EME2: variants seen among roughly 807,000 people sequenced by gnomAD.
EME2 encodes the protein essential meiotic structure-specific endonuclease subunit 2, also known as structure-specific endonuclease subunit EME2.
EME2 carries 58 observed loss-of-function variants against 41.9 expected under a neutral mutation model. The ratio of observed to expected loss-of-function variants is 1.38; its 90% CI spans 1.12 to 1.72. The LOEUF (loss-of-function observed/expected upper bound fraction) is 1.72. Ranked by LOEUF, EME2 falls within the 40% of genes most tolerant of loss-of-function variation. The pLI is 0.00. For missense variants in EME2, 695 were observed against 541.9 expected (o/e 1.28, Z -2.81); for synonymous variants, 334 against 239.3 (o/e 1.40, Z -3.65).
At position 1,781,468 on chromosome 16, in the gene EME2, G is replaced by A. The variant is rs751106797; in HGVS notation, c.*5230G>A. ...ACGAAGTGCCAGGCCCTGCTGTTCC[G>A]GGGGCGTCTGGCCATGGTGGAAAGA... On this transcript the variant is annotated 3_prime_UTR_variant, in exon 8 of 8. Transcript: ENST00000568449. 4.3e-6 allele frequency: 7 copies of A among 1,612,450 alleles called. No homozygotes were observed. Among genetic ancestry groups the A allele is most frequent in the Admixed American group, 1.7e-5 (1 of 59,992 alleles).
Position 1,776,371 on chromosome 16 carries a change from A to AG in EME2, c.*137dup. The AG allele has an allele frequency of 3.0e-6, 2 of 663,492 alleles. No individual in the cohort carries two copies. The highest frequency in any genetic ancestry group is 3.2e-5 in the East Asian group (1 of 31,274). The allele number at this position is 663,492 out of a possible 1,614,324, so 41.1% of individuals were successfully genotyped here. A position where few individuals can be genotyped will look rare whatever the true frequency, so the allele number is the denominator to read the frequency against. On this transcript the variant is annotated 3_prime_UTR_variant, in exon 8 of 8. Coordinates refer to ENST00000568449, the MANE Select transcript of EME2 (RefSeq NM_001257370.2). ...TCTCTGGCTGAGCAGGTCTGACCTC[A>AG]GGGGAAGGGTGGGTGGTTGCAGGGG...
Position 1,775,073 on chromosome 16 carries a change from C to A in EME2, c.510C>A (p.Ile170=). The change falls in exon 4 of 8, where the codon ATC becomes ATA. Residue 170 remains isoleucine, a synonymous_variant. Transcript: ENST00000568449. ...GCCCAACCCACTGGGTGCCCTGGATCTCCCCCGAGACCACCGCCCGGCCCC... is the reference window on the plus strand; with the variant it reads ...GCCCAACCCACTGGGTGCCCTGGATATCCCCCGAGACCACCGCCCGGCCCC... ...ISGPTHWVPW[I]SPETTARPHL... is the part of the protein sequence containing the mutation. 6.2e-7 allele frequency: 1 copy of A among 1,610,536 alleles called. No individual in the cohort carries two copies.
chr16:1,778,550 C>A lies in EME2; in HGVS notation c.*2312C>A. On this transcript the variant is annotated 3_prime_UTR_variant, in exon 8 of 8. Transcript: ENST00000568449. ...CACAGAAGGACTCGCCGGTCACGGG[C>A]ACCGCACTGGGGATGGATGGCGGCA... 1 of 1,607,078 alleles carries A rather than the reference C, an allele frequency of 6.2e-7. No homozygotes were observed.
Position 1,772,908 on chromosome 16 carries a change from A to C in EME2, c.-320A>C. ...CAGGCGGCCCAGGCCGAAGAGCGGG[A>C]GGCGGCCGAGCAGCTGCAAGAGGCG... On this transcript the variant is annotated 5_prime_UTR_variant, in exon 1 of 8. Coordinates refer to ENST00000568449, the MANE Select transcript of EME2 (RefSeq NM_001257370.2). 1 of 1,449,652 alleles carries C rather than the reference A, an allele frequency of 6.9e-7. No homozygotes were observed. The highest frequency in any genetic ancestry group is 9.0e-7 in the Non-Finnish European group (1 of 1,108,052). 89.8% of individuals were successfully genotyped at this position (1,449,652 alleles called of 1,614,324 possible).
chr16:1,777,458 C>T lies in EME2; in HGVS notation c.*1220C>T. ...GGCTGCCACACCTGGAAGGGAGGGGCCCAGCCTGAACCCCAGGCAGGGAAG... is the reference window on the plus strand; with the variant it reads ...GGCTGCCACACCTGGAAGGGAGGGGTCCAGCCTGAACCCCAGGCAGGGAAG... On this transcript the variant is annotated 3_prime_UTR_variant, in exon 8 of 8. Coordinates refer to ENST00000568449, the MANE Select transcript of EME2 (RefSeq NM_001257370.2). The T allele has an allele frequency of 6.7e-7, 1 of 1,487,530 alleles. No homozygotes were observed. The allele number at this position is 1,487,530 out of a possible 1,614,324, so 92.1% of individuals were successfully genotyped here. A position where few individuals can be genotyped will look rare whatever the true frequency, so the allele number is the denominator to read the frequency against.
At position 1,776,406 on chromosome 16, in the gene EME2, G is replaced by A. The variant is rs2042713791; in HGVS notation, c.*168G>A. The A allele has an allele frequency of 8.4e-6, 5 of 593,694 alleles. No individual in the cohort carries two copies. Among genetic ancestry groups the A allele is most frequent in the East Asian group, 3.0e-5 (1 of 33,270 alleles). The allele number at this position is 593,694 out of a possible 1,614,324, so 36.8% of individuals were successfully genotyped here. On this transcript the variant is annotated 3_prime_UTR_variant, in exon 8 of 8. Transcript: ENST00000568449. ...TGGGTGGTTGCAGGGGAAGTTTTAG[G>A]TAGCTGGGAGAAGAGGGGCTTCTGG...
rs979045912 is a variant in EME2 at position 1,776,635 on chromosome 16, G to A, written c.*397G>A. The A allele has an allele frequency of 7.0e-6, 2 of 287,708 alleles. No homozygotes were observed. The highest frequency in any genetic ancestry group is 6.3e-5 in the South Asian group (1 of 15,834). The allele number at this position is 287,708 out of a possible 1,614,324, so 17.8% of individuals were successfully genotyped here. A position where few individuals can be genotyped will look rare whatever the true frequency, so the allele number is the denominator to read the frequency against. ...TAGGGGACTCCCAAGGATGTGGAGG[G>A]GCAGTGAGGCCTGGGAGAAGGCCCA... On this transcript the variant is annotated 3_prime_UTR_variant, in exon 8 of 8. Transcript: ENST00000568449.
At chr16:1,774,073 C>G (rs2042673297) in intron 2 of EME2, among the ~76,000 whole-genome samples, 187 bp from the exon 3 acceptor site, 3 of 152,224 alleles carry the variant, frequency 2.0e-5, no homozygotes, top group Non-Finnish European at 4.4e-5. Context: ...GGATTCCTGC[C>G]AGCCACAGAG....
At position 1,778,037 on chromosome 16, in the gene EME2, G is replaced by T; in HGVS notation, c.*1799G>T. 2 of 1,613,172 alleles carry T rather than the reference G, an allele frequency of 1.2e-6. No individual in the cohort carries two copies. The highest frequency in any genetic ancestry group is 2.7e-5 in the African/African-American group (2 of 75,026). On this transcript the variant is annotated 3_prime_UTR_variant, in exon 8 of 8. Coordinates refer to ENST00000568449, the MANE Select transcript of EME2 (RefSeq NM_001257370.2). ...TGTCCAGGTCCACATCCGACGTCCC[G>T]ATGCCCACCATCTAGGAACAGGGGC...
rs1375362544 is a variant in EME2 at position 1,779,588 on chromosome 16, C to G, written c.*3350C>G. 1.3e-5 allele frequency: 2 copies of G among 152,390 alleles called. No individual in the cohort carries two copies. Among genetic ancestry groups the G allele is most frequent in the African/African-American group, 2.4e-5 (1 of 41,454 alleles). 9.4% of individuals were successfully genotyped at this position (152,390 alleles called of 1,614,324 possible). A position where few individuals can be genotyped will look rare whatever the true frequency, so the allele number is the denominator to read the frequency against. On this transcript the variant is annotated 3_prime_UTR_variant, in exon 8 of 8. Transcript: ENST00000568449. ...ACAAGGCAGGCCCAGACAACTCTAC[C>G]CCACTGCCTAGAAGTGCGGGTCCCC...
chr16:1,780,818 G>C lies in EME2; in HGVS notation c.*4580G>C, dbSNP rs1159477027. 1.8e-5 allele frequency: 5 copies of C among 276,252 alleles called. No homozygotes were observed. Among genetic ancestry groups the C allele is most frequent in the Non-Finnish European group, 3.6e-5 (5 of 140,224 alleles). 17.1% of individuals were successfully genotyped at this position (276,252 alleles called of 1,614,324 possible). A position where few individuals can be genotyped will look rare whatever the true frequency, so the allele number is the denominator to read the frequency against. On this transcript the variant is annotated 3_prime_UTR_variant, in exon 8 of 8. Coordinates refer to ENST00000568449, the MANE Select transcript of EME2 (RefSeq NM_001257370.2). ...TGTGATCACGGCTCACTGCAGCCTT[G>C]ACCTCCCTGGCTCAAGCAATCCTCC...
chr16:1,775,921 C>T lies in EME2; in HGVS notation c.904C>T (p.Arg302Trp), dbSNP rs757582244. The T allele has an allele frequency of 5.3e-5, 86 of 1,612,018 alleles. No individual in the cohort carries two copies. The highest frequency in any genetic ancestry group is 6.6e-5 in the Non-Finnish European group (78 of 1,179,786). The change falls in exon 7 of 8, where the codon CGG becomes TGG. Residue 302 changes from arginine (R) to tryptophan (W), a missense_variant. Physicochemically the swap from Arg to Trp is moderately radical, Grantham distance 101. Coordinates refer to ENST00000568449, the MANE Select transcript of EME2 (RefSeq NM_001257370.2). Reference protein sequence around the residue: ...AWRRQIRQFSRVSPAVADAVV... With the variant: ...AWRRQIRQFSWVSPAVADAVV... Reference sequence around the variant, plus strand: ...GCGGAGGCAGATCAGGCAGTTCAGTCGGGTCAGCCCAGCCGTGGCTGATGC... The same window carrying T: ...GCGGAGGCAGATCAGGCAGTTCAGTTGGGTCAGCCCAGCCGTGGCTGATGC...
Position 1,777,689 on chromosome 16 carries a change from G to A in EME2, c.*1451G>A, listed in dbSNP as rs571066473. ...TCAGTGTCCCCTGGGCTGGGGCGGG[G>A]TGGCTGCCTCCCTCGGGGTGACAGC... On this transcript the variant is annotated 3_prime_UTR_variant, in exon 8 of 8. Transcript: ENST00000568449. 2.1e-5 allele frequency: 33 copies of A among 1,597,504 alleles called. 1 individual carries two copies. The South Asian group carries it at 3.1e-4, about 15-fold the overall frequency.
Position 1,777,592 on chromosome 16 carries a change from G to A in EME2, c.*1354G>A, listed in dbSNP as rs1454956320. On this transcript the variant is annotated 3_prime_UTR_variant, in exon 8 of 8. Transcript: ENST00000568449. ...TGCACGCGCTGGCCCTGCCACTCCAGCCTGGCCTCACTGTCCCACCCCCTG... is the reference window on the plus strand; with the variant it reads ...TGCACGCGCTGGCCCTGCCACTCCAACCTGGCCTCACTGTCCCACCCCCTG... 1 of 1,394,418 alleles carries A rather than the reference G, an allele frequency of 7.2e-7. No homozygotes were observed. Among genetic ancestry groups the A allele is most frequent in the African/African-American group, 1.4e-5 (1 of 69,558 alleles). The allele number at this position is 1,394,418 out of a possible 1,614,324, so 86.4% of individuals were successfully genotyped here. A position where few individuals can be genotyped will look rare whatever the true frequency, so the allele number is the denominator to read the frequency against.
rs779833477 is a variant in EME2 at position 1,776,169 on chromosome 16, C to T, written c.1071C>T (p.Asp357=). ...GGCGTCCCCGCAGGGTGGGGCCTGA[C>T]CTCTCCCGCCGCATCTGCCTCTTCC... ...EGGRPRRVGP[D]LSRRICLFLT... Residue 357 remains aspartate (D), a synonymous_variant, in exon 8 of 8, where the codon GAC becomes GAT. Transcript: ENST00000568449. 7.4e-6 allele frequency: 12 copies of T among 1,612,438 alleles called. No individual in the cohort carries two copies. Among genetic ancestry groups the T allele is most frequent in the East Asian group, 2.2e-5 (1 of 44,892 alleles).
intron 3 of EME2, among the ~76,000 whole-genome samples, chr16:1,774,748 T>C (rs568368315): frequency 9.6e-4 from 147 of 152,356 alleles, no homozygotes; most frequent in African/African-American, 3.3e-3. Flanking sequence ...TCTCTCAAGC[T>C]GCTGCTTTGT....
Position 1,777,623 on chromosome 16 carries a change from C to G in EME2, c.*1385C>G. ...CCTCACTGTCCCACCCCCTGGGACC[C>G]TGGGGCCTCAGGCTTCTGGGAGGAA... On this transcript the variant is annotated 3_prime_UTR_variant, in exon 8 of 8. Coordinates refer to ENST00000568449, the MANE Select transcript of EME2 (RefSeq NM_001257370.2). 6.7e-7 allele frequency: 1 copy of G among 1,497,508 alleles called. No homozygotes were observed. Among genetic ancestry groups the G allele is most frequent in the Non-Finnish European group, 9.0e-7 (1 of 1,113,930 alleles). 92.8% of individuals were successfully genotyped at this position (1,497,508 alleles called of 1,614,324 possible).
rs781451093 is a variant in EME2, at chr16:1,777,174, G to C, written c.*936G>C. 1.2e-6 allele frequency: 2 copies of C among 1,611,002 alleles called. No homozygotes were observed. The highest frequency in any genetic ancestry group is 1.7e-6 in the Non-Finnish European group (2 of 1,179,888). On this transcript the variant is annotated 3_prime_UTR_variant, in exon 8 of 8. Coordinates refer to ENST00000568449, the MANE Select transcript of EME2 (RefSeq NM_001257370.2). ...GGGTGGGCGGAGGTCGCTGCCTGGGGATCGGACACTGGAGCCTTGCGGCGG... is the reference window on the plus strand; with the variant it reads ...GGGTGGGCGGAGGTCGCTGCCTGGGCATCGGACACTGGAGCCTTGCGGCGG...
In EME2 at chr16:1,778,594, C is replaced by T. The variant is rs755374971; in HGVS notation, c.*2356C>T. On this transcript the variant is annotated 3_prime_UTR_variant, in exon 8 of 8. Coordinates refer to ENST00000568449, the MANE Select transcript of EME2 (RefSeq NM_001257370.2). ...GGCGGCAGCGTGGAGTACTCGGGGT[C>T]GGAGTCCGAGTCGCTGTGCTGGGAG... 6.4e-7 allele frequency: 1 copy of T among 1,573,420 alleles called. No individual in the cohort carries two copies. Among genetic ancestry groups the T allele is most frequent in the Non-Finnish European group, 8.6e-7 (1 of 1,156,164 alleles).
Sources: gnomAD v4.1 joint callset for allele counts (sites outside exome capture counted in the v4.1 genomes callset) on GRCh38, gnomAD v4.1.1 for gene constraint, MANE v1.5 for transcripts, NCBI Gene and HGNC (gene_info 2026-07-23, HGNC 2026-07-21) for gene names.